Variants in STIL observed in about 807,000 individuals in gnomAD.
STIL encodes the protein STIL centriolar assembly protein, also known as SCL-interrupting locus protein.
A neutral mutation model predicts 110.1 loss-of-function variants in STIL; 55 were observed. The ratio of observed to expected loss-of-function variants is 0.50; its 90% CI spans 0.40 to 0.63. STIL has a LOEUF of 0.63. Among genes scored for constraint, STIL ranks in the 20% least tolerant of loss-of-function variants. The pLI is 0.00. For missense variants in STIL, 1,358 were observed against 1,530.0 expected (o/e 0.89, Z 1.87); for synonymous variants, 481 against 530.0 (o/e 0.91, Z 1.27).
intron 12 of STIL, among the ~76,000 whole-genome samples, chr1:47,276,747 G>C (rs1384096952): frequency 6.9e-6 from 1 of 145,044 alleles, no homozygotes; most frequent in Admixed American, 7.1e-5. Flanking sequence ...GGGGCAGATA[G>C]AGGTTGCAGT....
chr1:47,300,157 G>A lies in STIL; in HGVS notation c.454-5C>T. ...ACATATATGGCACTGTAGAGCCTGAGAAATCAATATTAAATAATTATTTTA... is the reference window on the plus strand; with the variant it reads ...ACATATATGGCACTGTAGAGCCTGAAAAATCAATATTAAATAATTATTTTA... On this transcript the variant is annotated splice_region_variant and splice_polypyrimidine_tract_variant and intron_variant, in intron 5 of 16. Coordinates refer to ENST00000371877, the MANE Select transcript of STIL (RefSeq NM_001048166.1). 2 of 1,612,008 alleles carry A rather than the reference G, an allele frequency of 1.2e-6. No homozygotes were observed. Among genetic ancestry groups the A allele is most frequent in the Non-Finnish European group, 1.7e-6 (2 of 1,179,280 alleles).
chr1:47,298,851 C>G (rs565716157), intron 6 of STIL, among the ~76,000 whole-genome samples: 25 of 152,124 alleles, frequency 1.6e-4, no homozygotes, highest in Admixed American at 7.2e-4. Flanking sequence ...TCAAGCGATT[C>G]TCCTGCCTCA....
intron 16 of STIL, among the ~76,000 whole-genome samples, chr1:47,259,399 T>C (rs1242803062): frequency 1.3e-5 from 2 of 149,230 alleles, no homozygotes; most frequent in Non-Finnish European, 3.0e-5. Context: ...CAGGCAATTC[T>C]CTTGCCTCAG....
rs1388377603 is a variant in STIL, at chr1:47,293,474, A to C, written c.856T>G (p.Ser286Ala). 1 of 1,613,164 alleles carries C rather than the reference A, an allele frequency of 6.2e-7. No individual in the cohort carries two copies. Among genetic ancestry groups the C allele is most frequent in the South Asian group, 1.1e-5 (1 of 91,058 alleles). Residue 286 changes from serine (S) to alanine (A), a missense_variant, in exon 8 of 17, where the codon TCT (serine) becomes GCT (alanine). Physicochemically the swap from Ser to Ala is moderately conservative, Grantham distance 99. Transcript: ENST00000371877. The stretch of plus-strand genomic sequence containing the variant: ...ATCACTTGCCTTTCTTGAACAGAAG[A>C]ATTGAATATGTATCGCAAACAGCAA... ...WACCLRYIFN[S>A]SVQERVFSES...
intron 14 of STIL, among the ~76,000 whole-genome samples, 181 bp downstream of exon 14, chr1:47,269,453 TG>T (rs1226822690): frequency 6.6e-6 from 1 of 152,218 alleles, no homozygotes; most frequent in Non-Finnish European, 1.5e-5. Flanking sequence ...AGACTTCAAA[TG>T]TTTTTACCAC....
intron 14 of STIL, among the ~76,000 whole-genome samples, chr1:47,266,580 T>G (rs1570071602): frequency 6.6e-6 from 1 of 152,224 alleles, no homozygotes; most frequent in East Asian, 1.9e-4. Context: ...CCTAGCCTGG[T>G]CTTGAATTTC....
chr1:47,293,199 GT>G (rs1476437173), intron 8 of STIL, among the ~76,000 whole-genome samples: 1 of 152,076 alleles, frequency 6.6e-6, no homozygotes, highest in Non-Finnish European at 1.5e-5. Context: ...AATCTCCACA[GT>G]TTTTTTCCAC....
chr1:47,262,738 T>G (rs968300767), intron 15 of STIL, among the ~76,000 whole-genome samples, 165 bp downstream of exon 15: 1 of 152,228 alleles, frequency 6.6e-6, no homozygotes, highest in Non-Finnish European at 1.5e-5. Flanking sequence ...TTAGTGAATT[T>G]AAGTTATAAT....
intron 14 of STIL, among the ~76,000 whole-genome samples, chr1:47,265,247 A>AAAAAAAACAAAC (rs1553170551): frequency 6.6e-6 from 1 of 150,458 alleles, no homozygotes; most frequent in East Asian, 1.9e-4. Flanking sequence ...CAAAAAAAAA[A>AAAAAAAACAAAC]AAAAAAAAAA....
chr1:47,265,237 C>CAAAAAAAAAAAAAAAAA lies in STIL; in HGVS notation c.2616-2138_2616-2122dup, dbSNP rs61666574. On this transcript the variant is annotated intron_variant, in intron 14 of 16. Coordinates refer to ENST00000371877, the MANE Select transcript of STIL (RefSeq NM_001048166.1). The stretch of plus-strand genomic sequence containing the variant: ...AGCAACAGAGCAACACTCCATCTCC[C>CAAAAAAAAAAAAAAAAA]AAAAAAAAAAAAAAAAAAAAAAACA... 2.1e-4 allele frequency among the ~76,000 whole-genome samples: 11 copies of CAAAAAAAAAAAAAAAAA among 51,656 alleles called. 1 individual carries two copies. The highest frequency in any genetic ancestry group is 9.3e-4 in the South Asian group (1 of 1,080). The allele number at this position is 51,656 out of a possible 152,430, so 33.9% of individuals were successfully genotyped here.
intron 1 of STIL, 72 bp from the exon 2 acceptor site, chr1:47,310,434 T>A: frequency 1.1e-6 from 1 of 949,580 alleles, no homozygotes; most frequent in Non-Finnish European, 1.6e-6. Context: ...AACCACATAT[T>A]AAAATTACAG....
chr1:47,278,367 C>CAT (rs556838036), intron 12 of STIL, among the ~76,000 whole-genome samples: 13 of 151,692 alleles, frequency 8.6e-5, no homozygotes, highest in East Asian at 3.9e-4. Context: ...AATTTAAGTT[C>CAT]ATATATATAT....
intron 14 of STIL, among the ~76,000 whole-genome samples, chr1:47,268,991 G>GAGGCT (rs1553171694): frequency 2.1e-3 from 318 of 150,722 alleles, no homozygotes; most frequent in African/African-American, 7.4e-3. Flanking sequence ...CAGCTACACG[G>GAGGCT]GAGGCAGGAG....
intron 9 of STIL, among the ~76,000 whole-genome samples, chr1:47,288,192 A>G (rs1275037515): frequency 6.6e-6 from 1 of 151,558 alleles, no homozygotes; most frequent in Non-Finnish European, 1.5e-5. Flanking sequence ...TTTTTCTAAT[A>G]AAGAATGTAC....
intron 9 of STIL, among the ~76,000 whole-genome samples, chr1:47,288,040 CAT>C (rs915254586): frequency 7.4e-4 from 109 of 146,928 alleles, no homozygotes; most frequent in African/African-American, 2.6e-3. Flanking sequence ...TTATATATAA[CAT>C]ATATGTAATA....
intron 3 of STIL, among the ~76,000 whole-genome samples, chr1:47,303,077 G>GA (rs1257499431): frequency 6.6e-6 from 1 of 151,724 alleles, no homozygotes; most frequent in African/African-American, 2.4e-5. Context: ...AAGATACTAC[G>GA]AAAAAAGACC....
intron 3 of STIL, among the ~76,000 whole-genome samples, chr1:47,302,724 C>A (rs979539241): frequency 2.0e-5 from 3 of 152,082 alleles, no homozygotes; most frequent in African/African-American, 7.2e-5. Context: ...TGTTCCAGAC[C>A]CCCAGTGGAT....
chr1:47,263,703 G>C (rs1304087077), intron 14 of STIL, among the ~76,000 whole-genome samples: 1 of 145,006 alleles, frequency 6.9e-6, no homozygotes, highest in Non-Finnish European at 1.5e-5. Flanking sequence ...GAAATTTTTA[G>C]AGCATTTAAA....
chr1:47,268,953 C>T (rs1410424291), intron 14 of STIL, among the ~76,000 whole-genome samples: 3 of 149,774 alleles, frequency 2.0e-5, no homozygotes, highest in East Asian at 2.0e-4. Context: ...CGGAATTAGC[C>T]GGGCATGGTG....
Sources: gnomAD v4.1 joint callset for allele counts (sites outside exome capture counted in the v4.1 genomes callset) on GRCh38, gnomAD v4.1.1 for gene constraint, MANE v1.5 for transcripts, NCBI Gene and HGNC (gene_info 2026-07-23, HGNC 2026-07-21) for gene names.